RELT: variants seen among roughly 807,000 people sequenced by gnomAD.
RELT encodes RELT TNF receptor.
Under a neutral mutation model 51.1 loss-of-function variants are expected in RELT, and 37 were observed. The ratio of observed to expected loss-of-function variants is 0.72; its 90% confidence interval spans 0.56 to 0.95. The LOEUF is 0.95. Ranked by LOEUF, RELT falls within the 40% of genes least tolerant of loss-of-function variation. The probability of loss-of-function intolerance (pLI) is 0.00; values close to 1 mark genes in which losing one functional copy is unlikely to be tolerated. For missense variants in RELT, 535 were observed against 572.6 expected, an observed-to-expected ratio of 0.93 and a Z score of 0.67; for synonymous variants, 241 against 235.7, an observed-to-expected ratio of 1.02 and a Z score of -0.21.
intron 6 of RELT, 51 bp downstream of exon 6, chr11:73,392,519 C>T (rs1332538433): frequency 6.3e-7 from 1 of 1,577,348 alleles, no homozygotes; most frequent in Non-Finnish European, 8.6e-7. Context: ...CGAGCCCAGC[C>T]CCAGCTCCAC....
chr11:73,377,660 C>T (rs1024476716), intron 1 of RELT, among the ~76,000 whole-genome samples: 2 of 151,464 alleles, frequency 1.3e-5, no homozygotes, highest in South Asian at 2.1e-4. Context: ...TCAGCGGACC[C>T]GGACACAATC....
At chr11:73,383,800 G>C (rs116586455) in intron 1 of RELT, among the ~76,000 whole-genome samples, 2,453 of 152,352 alleles carry the variant, frequency 0.016, 68 homozygotes, top group African/African-American at 0.056. Flanking sequence ...CCTGCACAGG[G>C]CTGGGGTCCA....
At position 73,394,629 on chromosome 11, in the gene RELT, C is replaced by T. The variant is rs2134456631; in HGVS notation, c.941C>T (p.Ala314Val). The change falls in exon 9 of 11, where the codon GCC becomes GTC. Residue 314 changes from alanine to valine, a missense_variant. Transcript: ENST00000064780. The surrounding 1 kb of genome is among the most constrained non-coding windows in gnomAD (Gnocchi z 4.9). ...PEVLLSPEAV[A>V]ATTPVPSLLP... ...GTGCTGCTGTCCCCTGAGGCTGTAGCCGCCACTACTCCTGTTCCCAGCCTT... is the reference window on the plus strand; with the variant it reads ...GTGCTGCTGTCCCCTGAGGCTGTAGTCGCCACTACTCCTGTTCCCAGCCTT... 6.2e-7 allele frequency: 1 copy of T among 1,613,714 alleles called. No homozygotes were observed. The highest frequency in any genetic ancestry group is 8.5e-7 in the Non-Finnish European group (1 of 1,180,026).
intron 9 of RELT, 74 bp from the exon 10 acceptor site, chr11:73,395,013 C>A (rs781174962): frequency 3.7e-6 from 5 of 1,336,448 alleles, no homozygotes; most frequent in South Asian, 2.4e-5. Flanking sequence ...TGCTGTGTGA[C>A]CCCGGGCACG....
chr11:73,378,781 T>C (rs1866006943), intron 1 of RELT, among the ~76,000 whole-genome samples: 1 of 152,238 alleles, frequency 6.6e-6, no homozygotes, highest in Non-Finnish European at 1.5e-5. Context: ...CACCAGAAAG[T>C]CCTGTCCCCT....
At chr11:73,393,797 TC>T (rs142455990) in intron 6 of RELT, 39 bp from the exon 7 acceptor site, 1 of 1,599,604 alleles carries the variant, frequency 6.3e-7, no homozygotes, top group African/African-American at 1.3e-5. Context: ...GAGTGCGGCT[TC>T]CCCCTCTTCC....
intron 1 of RELT, among the ~76,000 whole-genome samples, chr11:73,377,779 T>G (rs1440788975): frequency 6.7e-6 from 1 of 149,720 alleles, no homozygotes; most frequent in Admixed American, 6.6e-5. Context: ...TTTGGGATCC[T>G]CTATTGTTTT....
intron 1 of RELT, among the ~76,000 whole-genome samples, chr11:73,382,314 C>T (rs10793059): frequency 0.17 from 26,349 of 152,280 alleles, 2,457 homozygotes; most frequent in East Asian, 0.33. Context: ...CCTCCCAAAG[C>T]CTCTGCCCAG....
chr11:73,394,370 C>T lies in RELT; in HGVS notation c.788+53C>T. The T allele has an allele frequency of 6.2e-7, 1 of 1,609,204 alleles. No homozygotes were observed. Among genetic ancestry groups the T allele is most frequent in the Admixed American group, 1.7e-5 (1 of 59,992 alleles). Reference sequence around the variant, plus strand: ...GCCAAAACCTACATTAACCAGCCTGCCTCCTGGGGATCTCCCACTTGGGTC... The same window carrying T: ...GCCAAAACCTACATTAACCAGCCTGTCTCCTGGGGATCTCCCACTTGGGTC... On this transcript the variant is annotated intron_variant, in intron 8 of 10. Transcript: ENST00000064780. This position sits in a 1 kb window ranked among gnomAD's most constrained non-coding sequence, Gnocchi z 4.9.
At chr11:73,389,224 T>TCAGCCCTG in intron 2 of RELT, 43 bp downstream of exon 2, 1 of 1,413,646 alleles carries the variant, frequency 7.1e-7, no homozygotes, top group Non-Finnish European at 9.6e-7. Flanking sequence ...AGCCGCACCC[T>TCAGCCCTG]CAGCCCTGCA....
At chr11:73,391,352 C>G in intron 5 of RELT, 129 bp downstream of exon 5, 1 of 840,872 alleles carries the variant, frequency 1.2e-6, no homozygotes, top group East Asian at 2.6e-5. Context: ...CAGGGCAGGG[C>G]GTGCAGCCAA....
At chr11:73,390,107 C>T (rs188395994) in intron 2 of RELT, among the ~76,000 whole-genome samples, 20 of 152,216 alleles carry the variant, frequency 1.3e-4, no homozygotes, top group Admixed American at 3.3e-4. Flanking sequence ...GAATAGGAAG[C>T]GCCACCTGCA....
rs544380374 is a variant in RELT at position 73,385,529 on chromosome 11, T to C, written c.-25-3583T>C. 4.7e-4 allele frequency among the ~76,000 whole-genome samples: 71 copies of C among 152,256 alleles called. 1 individual carries two copies. In the South Asian group the frequency reaches 0.014, roughly 30 times the overall value. On this transcript the variant is annotated intron_variant, in intron 1 of 10. Coordinates refer to ENST00000064780, the MANE Select transcript of RELT (RefSeq NM_152222.2). Reference sequence around the variant, plus strand: ...CGCCTCGTGAGCCTGCTTGGAGGCCTCCCGCTTCAGACATGGGGCTGGGTG... The same window carrying C: ...CGCCTCGTGAGCCTGCTTGGAGGCCCCCCGCTTCAGACATGGGGCTGGGTG...
chr11:73,383,978 T>A (rs951415392), intron 1 of RELT, among the ~76,000 whole-genome samples: 17 of 152,332 alleles, frequency 1.1e-4, no homozygotes, highest in African/African-American at 2.2e-4. Context: ...AAGGGAGGCC[T>A]GTGTCCAGCT....
At chr11:73,390,688 T>A in intron 3 of RELT, 63 bp downstream of exon 3, 1 of 1,610,824 alleles carries the variant, frequency 6.2e-7, no homozygotes, top group East Asian at 2.2e-5. Flanking sequence ...GGCAGAGTCC[T>A]GTGCCTGGCC....
chr11:73,390,439 G>A (rs774251663), intron 2 of RELT, 112 bp from the exon 3 acceptor site: 1 of 929,758 alleles, frequency 1.1e-6, no homozygotes, highest in Non-Finnish European at 1.7e-6. Context: ...CCCGGGTGGG[G>A]TAGTCAGTGG....
intron 2 of RELT, among the ~76,000 whole-genome samples, chr11:73,390,072 A>T (rs1866185894): frequency 6.6e-6 from 1 of 152,120 alleles, no homozygotes; most frequent in African/African-American, 2.4e-5. Context: ...GTGGTCCTGG[A>T]GACTTTCGCT....
intron 6 of RELT, chr11:73,393,272 G>C (rs879584271): frequency 3.0e-5 from 30 of 1,014,224 alleles, no homozygotes; most frequent in Non-Finnish European, 3.1e-5. Context: ...TGTTTTCCTA[G>C]AGACTTCCCT....
chr11:73,382,509 A>C (rs1386013418), intron 1 of RELT, among the ~76,000 whole-genome samples: 1 of 152,190 alleles, frequency 6.6e-6, no homozygotes, highest in Non-Finnish European at 1.5e-5. Flanking sequence ...TCTCAGGGCC[A>C]GGGTTGGCAA....
Sources: allele counts gnomAD v4.1 joint callset (sites outside exome capture counted in the v4.1 genomes callset), GRCh38; gene constraint gnomAD v4.1.1; non-coding constraint Gnocchi (gnomAD v3.1); transcripts MANE v1.5; gene names NCBI Gene and HGNC (gene_info 2026-07-23, HGNC 2026-07-21).